Variants in ANKS4B observed in about 807,000 individuals in gnomAD.
ANKS4B encodes the protein ankyrin repeat and sterile alpha motif domain containing 4B, also known as ankyrin repeat and SAM domain-containing protein 4B.
Under a neutral mutation model 20.2 loss-of-function variants are expected in ANKS4B, and 21 were observed. That is an observed-to-expected ratio of 1.04 (90% CI 0.74 to 1.50). ANKS4B has a LOEUF of 1.50. ANKS4B is among the 40% of genes most tolerant of loss of function. The pLI is 0.00. For missense variants in ANKS4B, 473 were observed against 494.6 expected, an observed-to-expected ratio of 0.96 and a Z score of 0.41; for synonymous variants, 179 against 194.5, an observed-to-expected ratio of 0.92 and a Z score of 0.66.
At chr16:21,249,621 A>G in intron 1 of ANKS4B, 110 bp from the exon 2 acceptor site, 3 of 1,222,068 alleles carry the variant, frequency 2.5e-6, no homozygotes, top group Non-Finnish European at 3.4e-6. Flanking sequence ...CAGGATGAAC[A>G]TGTTTGTATT....
intron 1 of ANKS4B, among the ~76,000 whole-genome samples, chr16:21,248,192 T>A (rs60785072): frequency 6.6e-6 from 1 of 151,820 alleles, no homozygotes; most frequent in African/African-American, 2.4e-5. Flanking sequence ...TATTTTTATT[T>A]TAAAAAAAAA....
chr16:21,253,409 T>C lies in ANKS4B; in HGVS notation c.*2589T>C, dbSNP rs1044019203. 6.6e-6 allele frequency: 1 copy of C among 152,198 alleles called. No homozygotes were observed. The highest frequency in any genetic ancestry group is 2.4e-5 in the African/African-American group (1 of 41,456). 9.4% of individuals were successfully genotyped at this position (152,198 alleles called of 1,614,324 possible). A position where few individuals can be genotyped will look rare whatever the true frequency, so the allele number is the denominator to read the frequency against. Reference sequence around the variant, plus strand: ...ATGATTGTTTACAAATACCTTATCTTGTGGAATAAACTGAAGTTGTGCTTT... The same window carrying C: ...ATGATTGTTTACAAATACCTTATCTCGTGGAATAAACTGAAGTTGTGCTTT... On this transcript the variant is annotated 3_prime_UTR_variant, in exon 2 of 2. Coordinates refer to ENST00000311620, the MANE Select transcript of ANKS4B (RefSeq NM_145865.3).
At chr16:21,234,710 C>A (rs775606749) in intron 1 of ANKS4B, among the ~76,000 whole-genome samples, 3 of 152,192 alleles carry the variant, frequency 2.0e-5, no homozygotes, top group Non-Finnish European at 4.4e-5. Context: ...TTGTTATGTG[C>A]CAGCCACTTA....
intron 1 of ANKS4B, among the ~76,000 whole-genome samples, chr16:21,234,131 C>A (rs1007582560): frequency 6.6e-6 from 1 of 152,116 alleles, no homozygotes; most frequent in African/African-American, 2.4e-5. Flanking sequence ...AGAGGAGAGA[C>A]CCTGAACTAC....
rs749169786 is a variant in ANKS4B, at chr16:21,250,702, A to G, written c.1136A>G (p.Asp379Gly). The change falls in exon 2 of 2, where the codon GAT (aspartate) becomes GGT (glycine). Residue 379 changes from aspartate (D) to glycine (G), a missense_variant. Physicochemically the swap from Asp to Gly is moderately conservative, Grantham distance 94. Coordinates refer to ENST00000311620, the MANE Select transcript of ANKS4B (RefSeq NM_145865.3). ...CTAGAAGCTCTGCTGCTCTGCTCTG[A>G]TGAGGACCTTCAGAGCATACAAATG... ...IDLEALLLCS[D>G]EDLQSIQMQL... 7.4e-6 allele frequency: 12 copies of G among 1,613,010 alleles called. No individual in the cohort carries two copies. In the African/African-American group the frequency reaches 1.6e-4, roughly 22 times the overall value.
At chr16:21,237,755 C>CA (rs886999515) in intron 1 of ANKS4B, among the ~76,000 whole-genome samples, 3 of 152,184 alleles carry the variant, frequency 2.0e-5, no homozygotes, top group Middle Eastern at 3.2e-3. Context: ...CTGGAGGAGA[C>CA]ACATTCAAAC....
chr16:21,242,279 C>T (rs974045219), intron 1 of ANKS4B, among the ~76,000 whole-genome samples: 2 of 152,140 alleles, frequency 1.3e-5, no homozygotes, highest in South Asian at 2.1e-4. Flanking sequence ...CTCCGCCTCC[C>T]GGATTCAAGC....
At chr16:21,239,298 A>T (rs1407809717) in intron 1 of ANKS4B, among the ~76,000 whole-genome samples, 1 of 152,146 alleles carries the variant, frequency 6.6e-6, no homozygotes, top group African/African-American at 2.4e-5. Flanking sequence ...CAATAAAGAT[A>T]CATGCCTGGA....
chr16:21,236,555 AACTC>A (rs2093320500), intron 1 of ANKS4B, among the ~76,000 whole-genome samples: 1 of 152,046 alleles, frequency 6.6e-6, no homozygotes, highest in Admixed American at 6.6e-5. Flanking sequence ...CTCTTACAAT[AACTC>A]TTCTGCTGGT....
rs2152860370 is a variant in ANKS4B at position 21,253,322 on chromosome 16, C to T, written c.*2502C>T. ...AAATCTGATGAACAATTGGCTTATT[C>T]TTCCTCAATGAATATATTCAGAAAG... On this transcript the variant is annotated 3_prime_UTR_variant, in exon 2 of 2. Coordinates refer to ENST00000311620, the MANE Select transcript of ANKS4B (RefSeq NM_145865.3). The T allele has an allele frequency of 6.6e-6, 1 of 152,310 alleles. No homozygotes were observed. Among genetic ancestry groups the T allele is most frequent in the Middle Eastern group, 3.4e-3 (1 of 294 alleles). The allele number at this position is 152,310 out of a possible 1,614,324, so 9.4% of individuals were successfully genotyped here. A position where few individuals can be genotyped will look rare whatever the true frequency, so the allele number is the denominator to read the frequency against.
rs2093340936 is a variant in ANKS4B at position 21,252,627 on chromosome 16, A to G, written c.*1807A>G. ...AAAAACTAAGTTCTTTGGAGGGAAG[A>G]TTTGATTGTCAAAGGAAATTTCACA... On this transcript the variant is annotated 3_prime_UTR_variant, in exon 2 of 2. Transcript: ENST00000311620. The G allele has an allele frequency of 1.3e-5, 2 of 152,360 alleles. No homozygotes were observed. The highest frequency in any genetic ancestry group is 4.8e-5 in the African/African-American group (2 of 41,578). 9.4% of individuals were successfully genotyped at this position (152,360 alleles called of 1,614,324 possible).
chr16:21,237,452 C>A (rs1375415246), intron 1 of ANKS4B, among the ~76,000 whole-genome samples: 1 of 152,158 alleles, frequency 6.6e-6, no homozygotes, highest in African/African-American at 2.4e-5. Context: ...TTATTTCTTA[C>A]AGCTCTGGCA....
chr16:21,248,584 G>T (rs2093335144), intron 1 of ANKS4B, among the ~76,000 whole-genome samples: 2 of 151,850 alleles, frequency 1.3e-5, no homozygotes, highest in African/African-American at 2.4e-5. Context: ...ACAAAAATTA[G>T]CTGGGTGCAG....
intron 1 of ANKS4B, 105 bp downstream of exon 1, chr16:21,234,006 T>A: frequency 3.6e-6 from 4 of 1,126,558 alleles, no homozygotes; most frequent in Non-Finnish European, 5.0e-6. Context: ...ATCCTCTTTC[T>A]AGATTGTCTA....
intron 1 of ANKS4B, among the ~76,000 whole-genome samples, chr16:21,234,483 TACACACACACACACAC>T (rs34242527): frequency 2.2e-4 from 28 of 124,632 alleles, no homozygotes; most frequent in Admixed American, 1.4e-3. Flanking sequence ...AGTGGATAGA[TACACACACACACACAC>T]ACACACACAC....
chr16:21,240,669 T>C (rs2093325438), intron 1 of ANKS4B, among the ~76,000 whole-genome samples: 1 of 152,186 alleles, frequency 6.6e-6, no homozygotes, highest in Non-Finnish European at 1.5e-5. Context: ...ATTCTCTCCC[T>C]TTAAAAGACA....
In ANKS4B at chr16:21,241,635, C is replaced by T. The variant is rs527369675; in HGVS notation, c.164+7734C>T. On this transcript the variant is annotated intron_variant, in intron 1 of 1. Transcript: ENST00000311620. ...CCATGTTGGCCGGGCTGGTCTCAAA[C>T]TCCTGGCCTCAAGTGATCAACCCAC... 3.3e-5 allele frequency among the ~76,000 whole-genome samples: 5 copies of T among 152,290 alleles called. No individual in the cohort carries two copies. In the South Asian group the frequency reaches 1.0e-3, roughly 32 times the overall value.
chr16:21,236,633 A>C (rs2093320587), intron 1 of ANKS4B, among the ~76,000 whole-genome samples: 1 of 151,838 alleles, frequency 6.6e-6, no homozygotes, highest in Non-Finnish European at 1.5e-5. Context: ...CTGGTCTCGA[A>C]CTCCTGAGCT....
At chr16:21,241,329 G>C (rs781591313) in intron 1 of ANKS4B, among the ~76,000 whole-genome samples, 1 of 152,160 alleles carries the variant, frequency 6.6e-6, no homozygotes, top group Non-Finnish European at 1.5e-5. Flanking sequence ...GCGGTAGTGG[G>C]TTTTCCATTC....
Sources: allele counts gnomAD v4.1 joint callset (sites outside exome capture counted in the v4.1 genomes callset), GRCh38; gene constraint gnomAD v4.1.1; transcripts MANE v1.5; gene names NCBI Gene and HGNC (gene_info 2026-07-23, HGNC 2026-07-21).